NIPAL2: variants seen among roughly 807,000 people sequenced by gnomAD.
The protein encoded by NIPAL2 is NIPA-like protein 2.
In NIPAL2, 43 loss-of-function variants were observed where a neutral mutation model predicts 48.9. The ratio of observed to expected loss-of-function variants is 0.88; its 90% CI spans 0.69 to 1.13. The LOEUF is 1.13. NIPAL2 is among the 50% of genes most tolerant of loss of function. The probability of loss-of-function intolerance (pLI) is 0.00; values close to 1 mark genes in which losing one functional copy is unlikely to be tolerated. For synonymous variants in NIPAL2, 167 were observed against 174.6 expected (o/e 0.96, Z 0.34); for missense variants, 446 against 461.4 (o/e 0.97, Z 0.31).
At chr8:98,253,315 G>A (rs1434267797) in intron 2 of NIPAL2, among the ~76,000 whole-genome samples, 2 of 151,948 alleles carry the variant, frequency 1.3e-5, no homozygotes, top group Non-Finnish European at 2.9e-5. Flanking sequence ...AGGATAAGAG[G>A]GAATTACCAT....
intron 5 of NIPAL2, chr8:98,217,436 C>T: frequency 1.5e-6 from 1 of 647,838 alleles, no homozygotes; most frequent in Non-Finnish European, 1.9e-6. Context: ...AATTCAGGTG[C>T]TCTTATTTAT....
At chr8:98,223,704 C>A (rs1812013209) in intron 4 of NIPAL2, among the ~76,000 whole-genome samples, 1 of 152,178 alleles carries the variant, frequency 6.6e-6, no homozygotes, top group Non-Finnish European at 1.5e-5. Flanking sequence ...AGCTAGACAA[C>A]AGCAATTCAG....
At chr8:98,284,125 A>G (rs1816012909) in intron 1 of NIPAL2, among the ~76,000 whole-genome samples, 1 of 152,044 alleles carries the variant, frequency 6.6e-6, no homozygotes. Context: ...AGGTCCCAAC[A>G]CAGCTCATGG....
chr8:98,193,802 C>T (rs1322604883), intron 10 of NIPAL2, among the ~76,000 whole-genome samples: 3 of 120,026 alleles, frequency 2.5e-5, no homozygotes, highest in African/African-American at 1.0e-4. Flanking sequence ...GACTCCATCT[C>T]AAAAAAAAAA....
At chr8:98,220,964 C>CTTTTTTTTTTTTTTTTTTTTT (rs557824737) in intron 5 of NIPAL2, among the ~76,000 whole-genome samples, 3 of 68,668 alleles carry the variant, frequency 4.4e-5, no homozygotes, top group African/African-American at 1.3e-4. Flanking sequence ...TCATTTCATT[C>CTTTTTTTTTTTTTTTTTTTTT]TTTTTTTTTT....
intron 1 of NIPAL2, among the ~76,000 whole-genome samples, chr8:98,291,357 C>T (rs183946685): frequency 3.3e-5 from 5 of 152,254 alleles, no homozygotes; most frequent in Non-Finnish European, 1.5e-5. Context: ...CCTGCAGTGC[C>T]CTACACTGTG....
chr8:98,222,860 T>A (rs1300281761), intron 4 of NIPAL2, among the ~76,000 whole-genome samples: 2 of 152,236 alleles, frequency 1.3e-5, no homozygotes, highest in African/African-American at 4.8e-5. Context: ...AATCCCAGCA[T>A]CTTCAGGGAA....
intron 7 of NIPAL2, among the ~76,000 whole-genome samples, chr8:98,203,470 A>G (rs950755354): frequency 3.3e-5 from 5 of 152,214 alleles, no homozygotes; most frequent in African/African-American, 1.2e-4. Context: ...GAAGCGATTC[A>G]AGCTGCTGGA....
chr8:98,245,097 G>A (rs1813240491), intron 3 of NIPAL2, among the ~76,000 whole-genome samples: 1 of 152,104 alleles, frequency 6.6e-6, no homozygotes. Context: ...GCTACAAACA[G>A]AACCTCACAT....
intron 3 of NIPAL2, among the ~76,000 whole-genome samples, chr8:98,251,905 G>A (rs1244454284): frequency 6.6e-6 from 1 of 151,960 alleles, no homozygotes; most frequent in Non-Finnish European, 1.5e-5. Context: ...AATGATTTTT[G>A]CTCATTTTTT....
intron 1 of NIPAL2, among the ~76,000 whole-genome samples, chr8:98,269,999 C>T (rs1815026718): frequency 6.6e-6 from 1 of 152,128 alleles, no homozygotes; most frequent in Non-Finnish European, 1.5e-5. Flanking sequence ...ATCCATTCTG[C>T]TGCAAAGGAC....
intron 5 of NIPAL2, among the ~76,000 whole-genome samples, chr8:98,213,855 C>A (rs958552106): frequency 6.6e-6 from 1 of 152,158 alleles, no homozygotes; most frequent in Non-Finnish European, 1.5e-5. Flanking sequence ...TTGCCGTCAT[C>A]ATTTCTTGTT....
At chr8:98,238,547 A>G (rs1198625039) in intron 3 of NIPAL2, among the ~76,000 whole-genome samples, 1 of 152,200 alleles carries the variant, frequency 6.6e-6, no homozygotes, top group East Asian at 1.9e-4. Flanking sequence ...AATTTATTGA[A>G]AACAAAATAA....
intron 1 of NIPAL2, among the ~76,000 whole-genome samples, chr8:98,265,351 A>C (rs1291351888): frequency 6.9e-6 from 1 of 145,202 alleles, no homozygotes; most frequent in Non-Finnish European, 1.5e-5. Context: ...GGCAACCTAC[A>C]GAATGGGAGA....
intron 1 of NIPAL2, among the ~76,000 whole-genome samples, chr8:98,275,842 C>T (rs1815426857): frequency 6.6e-6 from 1 of 152,166 alleles, no homozygotes; most frequent in Non-Finnish European, 1.5e-5. Context: ...TACAATCTTT[C>T]TTCTGTCCTA....
At chr8:98,242,488 A>ATTTGTTTTT (rs1813038980) in intron 3 of NIPAL2, among the ~76,000 whole-genome samples, 1 of 117,768 alleles carries the variant, frequency 8.5e-6, no homozygotes, top group Admixed American at 9.2e-5. Flanking sequence ...CACCTGACAG[A>ATTTGTTTTT]TTTTTTTTTT....
At chr8:98,195,806 A>G in intron 9 of NIPAL2, 136 bp downstream of exon 9, 1 of 600,750 alleles carries the variant, frequency 1.7e-6, no homozygotes, top group Non-Finnish European at 2.9e-6. Flanking sequence ...GTTAAAAAAT[A>G]TGTTTCTTTT....
chr8:98,222,204 TG>T (rs746069130), intron 5 of NIPAL2, among the ~76,000 whole-genome samples: 1 of 152,180 alleles, frequency 6.6e-6, no homozygotes, highest in African/African-American at 2.4e-5. Context: ...TGGAAGGGAA[TG>T]TTTTTTTTTA....
chr8:98,240,123 T>C (rs534827112), intron 3 of NIPAL2, among the ~76,000 whole-genome samples: 3 of 152,362 alleles, frequency 2.0e-5, no homozygotes, highest in East Asian at 3.9e-4. Flanking sequence ...AGCTGTAAAT[T>C]AAACAGATTT....
Sources: gnomAD v4.1 joint callset for allele counts (sites outside exome capture counted in the v4.1 genomes callset) on GRCh38, gnomAD v4.1.1 for gene constraint, MANE v1.5 for transcripts, NCBI Gene and HGNC (gene_info 2026-07-23, HGNC 2026-07-21) for gene names.